The following CTBP2 variants were observed in gnomAD, a reference collection of about 807,000 sequenced individuals.
CTBP2 encodes C-terminal-binding protein 2.
CTBP2 carries 30 observed loss-of-function variants against 80.3 expected under a neutral mutation model. The observed-to-expected ratio is 0.37, with a 90% CI of 0.28 to 0.51. CTBP2 has a LOEUF of 0.51. CTBP2 is among the 20% of genes least tolerant of loss of function. The pLI is 0.93. For missense variants in CTBP2, 1,212 were observed against 1,375.3 expected, an observed-to-expected ratio of 0.88 and a Z score of 1.88; for synonymous variants, 594 against 587.4, an observed-to-expected ratio of 1.01 and a Z score of -0.16.
At chr10:125,075,533 G>A (rs1254467355) in intron 2 of CTBP2, among the ~76,000 whole-genome samples, 1 of 151,978 alleles carries the variant, frequency 6.6e-6, no homozygotes, top group Non-Finnish European at 1.5e-5. Flanking sequence ...AAAACTGCAA[G>A]CCAATTTCTA....
chr10:125,064,900 C>G (rs1381733429), intron 2 of CTBP2, among the ~76,000 whole-genome samples: 1 of 152,180 alleles, frequency 6.6e-6, no homozygotes, highest in Non-Finnish European at 1.5e-5. Context: ...ACTTTCTTGC[C>G]AAGTTTTGCA....
At chr10:125,024,619 G>A (rs1183377973) in intron 1 of CTBP2, among the ~76,000 whole-genome samples, 1 of 152,184 alleles carries the variant, frequency 6.6e-6, no homozygotes, top group Non-Finnish European at 1.5e-5. Context: ...CTGTGATTAT[G>A]ACCAAACCCT....
chr10:125,021,265 C>T (rs1439114779), intron 1 of CTBP2, among the ~76,000 whole-genome samples: 2 of 152,202 alleles, frequency 1.3e-5, no homozygotes, highest in African/African-American at 4.8e-5. Context: ...GCTCACTGCT[C>T]TCCCAGAAGC....
chr10:125,057,431 C>T (rs1247529009), intron 2 of CTBP2, among the ~76,000 whole-genome samples: 1 of 152,190 alleles, frequency 6.6e-6, no homozygotes, highest in Non-Finnish European at 1.5e-5. Context: ...ACAGGCCAAA[C>T]CCCGAGCTAT....
chr10:125,058,862 C>T (rs142901085), intron 2 of CTBP2, among the ~76,000 whole-genome samples: 2 of 152,300 alleles, frequency 1.3e-5, no homozygotes, highest in East Asian at 3.9e-4. Context: ...CCACTGCACT[C>T]CAGCCTGGGC....
intron 1 of CTBP2, among the ~76,000 whole-genome samples, chr10:125,128,876 G>C (rs1171515214): frequency 6.6e-6 from 1 of 152,202 alleles, no homozygotes; most frequent in Non-Finnish European, 1.5e-5. Context: ...GCTCAGAATA[G>C]CGAAAAGCTG....
At chr10:125,028,436 G>T (rs996433799), upstream of CTBP2, among the ~76,000 whole-genome samples, 1 of 152,232 alleles carries the variant, frequency 6.6e-6, no homozygotes, top group Non-Finnish European at 1.5e-5. Context: ...TGGATAAACA[G>T]AAAAAGGTCC....
At chr10:125,117,712 G>A (rs923575293) in intron 1 of CTBP2, among the ~76,000 whole-genome samples, 9 of 152,198 alleles carry the variant, frequency 5.9e-5, no homozygotes, top group Admixed American at 3.3e-4. Flanking sequence ...ATTCCTTCCC[G>A]AGATTCAATT....
chr10:125,097,146 T>C (rs1234409412), intron 2 of CTBP2, among the ~76,000 whole-genome samples: 3 of 152,230 alleles, frequency 2.0e-5, no homozygotes, highest in Admixed American at 6.5e-5. Context: ...GAGATAGTAG[T>C]GGATGAACCT....
Position 124,985,658 on chromosome 10 carries a change from CTT to C in CTBP2, c.*3858_*3859del, listed in dbSNP as rs36014858. 1 of 152,494 alleles carries C rather than the reference CTT, an allele frequency of 6.6e-6. No homozygotes were observed. The highest frequency in any genetic ancestry group is 2.4e-5 in the African/African-American group (1 of 41,366). 9.4% of individuals were successfully genotyped at this position (152,494 alleles called of 1,614,324 possible). A position where few individuals can be genotyped will look rare whatever the true frequency, so the allele number is the denominator to read the frequency against. ...AGGGTTTTGGTTTTGGTTATTGTGTCTTTAAGTTTTCTGATATGCCCCCTTTC... is the reference window on the plus strand; with the variant it reads ...AGGGTTTTGGTTTTGGTTATTGTGTCTAAGTTTTCTGATATGCCCCCTTTC... On this transcript the variant is annotated 3_prime_UTR_variant, in exon 9 of 9. Transcript: ENST00000309035.
chr10:125,161,770 A>G (rs1325698136), upstream of CTBP2, among the ~76,000 whole-genome samples: 2 of 151,196 alleles, frequency 1.3e-5, no homozygotes, highest in Non-Finnish European at 2.9e-5. Flanking sequence ...GCATTTGAGA[A>G]GCCCTGTGTT....
chr10:125,087,226 C>T lies in CTBP2; in HGVS notation c.-102+23764G>A, dbSNP rs566690165. On this transcript the variant is annotated intron_variant, in intron 2 of 10. Transcript: ENST00000337195. ...AGTACCTGGGATTATAGCCTGCCACCATGCCCGGTTAATTTTTGTATTTTT... is the reference window on the plus strand; with the variant it reads ...AGTACCTGGGATTATAGCCTGCCACTATGCCCGGTTAATTTTTGTATTTTT... Among the ~76,000 whole-genome samples, 9 of 152,094 alleles carry T rather than the reference C, an allele frequency of 5.9e-5. No individual in the cohort carries two copies. The South Asian group carries it at 1.0e-3, about 18-fold the overall frequency.
chr10:125,098,728 G>GAC (rs1850074683), intron 2 of CTBP2, among the ~76,000 whole-genome samples: 1 of 127,230 alleles, frequency 7.9e-6, no homozygotes, highest in Non-Finnish European at 1.7e-5. Context: ...GAGAGACAGA[G>GAC]AGAGAGAGAG....
rs1325306117 is a variant in CTBP2, at chr10:125,026,345, AG to A, written c.1414del (p.Leu472PhefsTer20). On this transcript the variant is annotated frameshift_variant, in exon 1 of 9. Transcript: ENST00000309035. LOFTEE classifies it high-confidence loss of function. ...GTAGGCTGTTCTGGGGCCTGGGTGA[AG>A]GGGGTTTGAGGGGCCCGGGTTAGTC... 6.2e-7 allele frequency: 1 copy of A among 1,613,524 alleles called. No individual in the cohort carries two copies.
rs1368681576 is a variant in CTBP2, at chr10:125,124,588, T to G, written c.-205-13495A>C. ...TTAAACAGTCATTTACCAAAAAAGC[T>G]GAATCACTTTCAAATCATCAACATT... On this transcript the variant is annotated intron_variant, in intron 1 of 10. Coordinates refer to the CTBP2 transcript ENST00000337195. Among the ~76,000 whole-genome samples the G allele has an allele frequency of 2.0e-5, 3 of 152,320 alleles. No homozygotes were observed. The East Asian group carries it at 5.8e-4, about 29-fold the overall frequency.
chr10:125,063,701 T>C (rs1246244798), intron 2 of CTBP2, among the ~76,000 whole-genome samples: 1 of 152,256 alleles, frequency 6.6e-6, no homozygotes. Context: ...GAGTTATTGC[T>C]GTGTTTTCTC....
At chr10:125,139,685 G>A (rs1390816205) in intron 1 of CTBP2, among the ~76,000 whole-genome samples, 1 of 152,152 alleles carries the variant, frequency 6.6e-6, no homozygotes, top group Non-Finnish European at 1.5e-5. Context: ...CAAGTCAGCT[G>A]GAATTTTTGG....
chr10:125,013,425 C>T (rs543027534), intron 1 of CTBP2, among the ~76,000 whole-genome samples: 78 of 152,300 alleles, frequency 5.1e-4, no homozygotes, highest in African/African-American at 1.7e-3. Context: ...GCACCGCTGC[C>T]GTCAGCCTCT....
chr10:125,125,873 CAGA>C (rs748671332), intron 1 of CTBP2, among the ~76,000 whole-genome samples: 17 of 152,332 alleles, frequency 1.1e-4, no homozygotes, highest in South Asian at 8.3e-4. Context: ...TCACTCAAAT[CAGA>C]AGAAGTGTAA....
Sources: allele counts gnomAD v4.1 joint callset (sites outside exome capture counted in the v4.1 genomes callset), GRCh38; gene constraint gnomAD v4.1.1; transcripts MANE v1.5; gene names NCBI Gene and HGNC (gene_info 2026-07-23, HGNC 2026-07-21).